TTBK1: variants seen among roughly 807,000 people sequenced by gnomAD.
TTBK1 encodes the protein tau tubulin kinase 1.
A neutral mutation model predicts 108.5 loss-of-function variants in TTBK1; 34 were observed. That is an observed-to-expected ratio of 0.31 (90% CI 0.24 to 0.42). TTBK1 has a LOEUF of 0.42. Among genes scored for constraint, TTBK1 ranks in the 10% least tolerant of loss-of-function variants. TTBK1 has a pLI of 1.00. For missense variants in TTBK1, 1,539 were observed against 1,826.0 expected (o/e 0.84, Z 2.86); for synonymous variants, 809 against 795.1 (o/e 1.02, Z -0.29).
At chr6:43,262,558 T>TTGAA (rs540275486) in intron 12 of TTBK1, among the ~76,000 whole-genome samples, 73 of 152,274 alleles carry the variant, frequency 4.8e-4, no homozygotes, top group Middle Eastern at 3.4e-3. Context: ...AAAACATTTG[T>TTGAA]TGAATGAATG....
chr6:43,260,609 C>G (rs933828996), intron 12 of TTBK1, among the ~76,000 whole-genome samples: 3 of 152,114 alleles, frequency 2.0e-5, no homozygotes, highest in African/African-American at 7.2e-5. Flanking sequence ...GAGTCCCTCT[C>G]CCTGGAGACG....
At position 43,282,791 on chromosome 6, in the gene TTBK1, C is replaced by G; in HGVS notation, c.2051C>G (p.Pro684Arg). ...CCACGAGCTGTGCCTCTGAGTCTGC[C>G]CTACCAGGACTTCAAAAGAGACCTC... ...GLPRAVPLSL[P>R]YQDFKRDLSD... The change falls in exon 14 of 15, where the codon CCC (proline) becomes CGC (arginine). Residue 684 changes from proline (P) to arginine (R), a missense_variant. Coordinates refer to ENST00000259750, the MANE Select transcript of TTBK1 (RefSeq NM_032538.3). This position sits in a 1 kb window ranked among gnomAD's most constrained non-coding sequence, Gnocchi z 5.4. 1 of 1,613,992 alleles carries G rather than the reference C, an allele frequency of 6.2e-7. No homozygotes were observed. The highest frequency in any genetic ancestry group is 8.5e-7 in the Non-Finnish European group (1 of 1,179,970).
In TTBK1 at chr6:43,252,772, A is replaced by G; in HGVS notation, c.142A>G (p.Ile48Val). The G allele has an allele frequency of 6.2e-7, 1 of 1,613,962 alleles. No homozygotes were observed. Among genetic ancestry groups the G allele is most frequent in the Non-Finnish European group, 8.5e-7 (1 of 1,179,994 alleles). ...GATCGGGGGCGGGGGCTTTGGTGAG[A>G]TCTACGAGGCCATGGACCTGCTGAC... ...KKIGGGGFGE[I>V]YEAMDLLTRE... is the part of the protein sequence containing the mutation. Residue 48 changes from isoleucine (I) to valine (V), a missense_variant, in exon 3 of 15, where the codon ATC becomes GTC. Physicochemically the swap from Ile to Val is conservative, Grantham distance 29. This residue lies in a region of TTBK1 where 155 missense variants were observed against 348.5 expected (regional missense o/e 0.44). Transcript: ENST00000259750.
chr6:43,285,318 A>G lies in TTBK1; in HGVS notation c.3908A>G (p.Gln1303Arg). The change falls in exon 15 of 15, where the codon CAG becomes CGG. Residue 1303 changes from glutamine (Q) to arginine (R), a missense_variant. Around this residue, in one of 5 missense-constraint regions of TTBK1, gnomAD observed 1,055 missense variants for 1,086.5 expected, o/e 0.97. Transcript: ENST00000259750. This position sits in a 1 kb window ranked among gnomAD's most constrained non-coding sequence, Gnocchi z 4.7. ...KKGPRGKLQA[Q>R]RATTKGRAGG... is the part of the protein sequence containing the mutation. ...GGACCCAGAGGGAAACTCCAGGCTC[A>G]GCGCGCAACAACCAAAGGCCGGGCA... The G allele has an allele frequency of 7.7e-7, 1 of 1,292,336 alleles. No homozygotes were observed. Among genetic ancestry groups the G allele is most frequent in the Middle Eastern group, 2.0e-4 (1 of 4,948 alleles). 80.1% of individuals were successfully genotyped at this position (1,292,336 alleles called of 1,614,324 possible). A position where few individuals can be genotyped will look rare whatever the true frequency, so the allele number is the denominator to read the frequency against.
At position 43,283,997 on chromosome 6, in the gene TTBK1, A is replaced by G. The variant is rs1778276855; in HGVS notation, c.3257A>G (p.Gln1086Arg). The change falls in exon 14 of 15, where the codon CAG (glutamine) becomes CGG (arginine). Residue 1086 changes from glutamine to arginine, a missense_variant. Gln to Arg is a conservative substitution (Grantham distance 43). Transcript: ENST00000259750. The surrounding 1 kb of genome is among the most constrained non-coding windows in gnomAD (Gnocchi z 8.1). ...CGGTGGAGCAAGCGGGCTCGGCCGCAGCAGGACCTGGCGCGGCTGGTGATG... is the reference window on the plus strand; with the variant it reads ...CGGTGGAGCAAGCGGGCTCGGCCGCGGCAGGACCTGGCGCGGCTGGTGATG... Reference protein sequence around the residue: ...KERWSKRARPQQDLARLVMEK... With the variant: ...KERWSKRARPRQDLARLVMEK... 1 of 1,602,088 alleles carries G rather than the reference A, an allele frequency of 6.2e-7. No individual in the cohort carries two copies.
In TTBK1 at chr6:43,250,634, C is replaced by T. The variant is rs527842993; in HGVS notation, c.109-2105C>T. Among the ~76,000 whole-genome samples the T allele has an allele frequency of 7.9e-5, 12 of 152,288 alleles. No individual in the cohort carries two copies. In the South Asian group the frequency reaches 2.5e-3, roughly 32 times the overall value. ...TCAGCCTCCCAAAGTGCTGAGATTACAGGCGGGAGCCACCGCGCCTGGACC... is the reference window on the plus strand; with the variant it reads ...TCAGCCTCCCAAAGTGCTGAGATTATAGGCGGGAGCCACCGCGCCTGGACC... On this transcript the variant is annotated intron_variant, in intron 2 of 14. Coordinates refer to ENST00000259750, the MANE Select transcript of TTBK1 (RefSeq NM_032538.3).
At chr6:43,252,714 A>AC in intron 2 of TTBK1, 25 bp from the exon 3 acceptor site, 1 of 1,612,460 alleles carries the variant, frequency 6.2e-7, no homozygotes, top group Non-Finnish European at 8.5e-7. Context: ...ATCCCTGAGC[A>AC]CCCCCTATCC....
rs2150708141 is a variant in TTBK1 at position 43,276,023 on chromosome 6, C to T, written c.1987-6704C>T. Among the ~76,000 whole-genome samples, 1 of 152,150 alleles carries T rather than the reference C, an allele frequency of 6.6e-6. No homozygotes were observed. Among genetic ancestry groups the T allele is most frequent in the South Asian group, 2.1e-4 (1 of 4,818 alleles). Reference sequence around the variant, plus strand: ...CACCGGGGCCCAGCTGAGCCCCTTCCTGCGTAAGGAGACGCCTTCTAATTG... The same window carrying T: ...CACCGGGGCCCAGCTGAGCCCCTTCTTGCGTAAGGAGACGCCTTCTAATTG... On this transcript the variant is annotated intron_variant, in intron 13 of 14. Coordinates refer to ENST00000259750, the MANE Select transcript of TTBK1 (RefSeq NM_032538.3). This position sits in a 1 kb window ranked among gnomAD's most constrained non-coding sequence, Gnocchi z 5.4.
intron 13 of TTBK1, among the ~76,000 whole-genome samples, chr6:43,281,404 G>C (rs1272338489): frequency 1.3e-5 from 2 of 151,044 alleles, no homozygotes; most frequent in African/African-American, 4.9e-5. Flanking sequence ...GATCTGAACT[G>C]TCTCCTAAGG....
chr6:43,254,624 C>T lies in TTBK1; in HGVS notation c.549C>T (p.Tyr183=), dbSNP rs7743427. ...TGGACTTCGGGCTGGCCCGGCAGTA[C>T]ACCAACACCACGGGGGATGTGCGGC... The part of the protein sequence containing the change: ...YMLDFGLARQ[Y]TNTTGDVRPP... The change falls in exon 6 of 15, where the codon TAC becomes TAT. Residue 183 remains tyrosine (Y), a synonymous_variant. Coordinates refer to ENST00000259750, the MANE Select transcript of TTBK1 (RefSeq NM_032538.3). 4,716 of 1,589,912 alleles carry T rather than the reference C, an allele frequency of 3.0e-3. 117 individuals are homozygous for T. In the African/African-American group the frequency reaches 0.054, roughly 18 times the overall value.
At chr6:43,280,941 G>A (rs963432838) in intron 13 of TTBK1, among the ~76,000 whole-genome samples, 1 of 152,206 alleles carries the variant, frequency 6.6e-6, no homozygotes, top group Non-Finnish European at 1.5e-5. Flanking sequence ...ATGCACTTAG[G>A]AACTTCTGGA....
At position 43,263,372 on chromosome 6, in the gene TTBK1, A is replaced by T. The variant is rs1406372038; in HGVS notation, c.1986+22A>T. ...ACAGGTAAGGTTGGGCTTGCACCCC[A>T]CTCCCCATCTCCAGATGCCCAGAGT... On this transcript the variant is annotated intron_variant, in intron 13 of 14. Coordinates refer to ENST00000259750, the MANE Select transcript of TTBK1 (RefSeq NM_032538.3). The surrounding 1 kb of genome is among the most constrained non-coding windows in gnomAD (Gnocchi z 4.7). 1 of 1,445,084 alleles carries T rather than the reference A, an allele frequency of 6.9e-7. No individual in the cohort carries two copies. Among genetic ancestry groups the T allele is most frequent in the Admixed American group, 2.9e-5 (1 of 34,996 alleles). 89.5% of individuals were successfully genotyped at this position (1,445,084 alleles called of 1,614,324 possible).
At chr6:43,254,151 C>G (rs1582480090) in intron 5 of TTBK1, among the ~76,000 whole-genome samples, 1 of 152,166 alleles carries the variant, frequency 6.6e-6, no homozygotes, top group African/African-American at 2.4e-5. Flanking sequence ...AACTGAGGCC[C>G]AGAAAGGTTA....
chr6:43,284,567 G>C (rs1778307931), intron 14 of TTBK1, among the ~76,000 whole-genome samples: 1 of 152,362 alleles, frequency 6.6e-6, no homozygotes, highest in South Asian at 2.1e-4. Context: ...AGGAAAAGCT[G>C]ATGGGGGCCA....
chr6:43,275,652 G>A (rs1362859318), intron 13 of TTBK1, among the ~76,000 whole-genome samples: 1 of 151,808 alleles, frequency 6.6e-6, no homozygotes, highest in Non-Finnish European at 1.5e-5. Flanking sequence ...AGAGTTGAGG[G>A]GGAGCAGAGC....
At chr6:43,274,325 C>T (rs1777908150) in intron 13 of TTBK1, among the ~76,000 whole-genome samples, 1 of 152,176 alleles carries the variant, frequency 6.6e-6, no homozygotes, top group Non-Finnish European at 1.5e-5. Context: ...CATGCTGGTC[C>T]CAGGACACCC....
chr6:43,268,927 C>G (rs1243474454), intron 13 of TTBK1, among the ~76,000 whole-genome samples: 1 of 152,206 alleles, frequency 6.6e-6, no homozygotes, highest in African/African-American at 2.4e-5. Context: ...GGGTGCTGTT[C>G]CAAGTACTGC....
At chr6:43,256,400 C>T (rs1276183977) in intron 9 of TTBK1, among the ~76,000 whole-genome samples, 1 of 151,532 alleles carries the variant, frequency 6.6e-6, no homozygotes, top group Non-Finnish European at 1.5e-5. Context: ...CCCAAGGTGC[C>T]GGGATTACAG....
In TTBK1 at chr6:43,282,630, G is replaced by C. The variant is rs918626060; in HGVS notation, c.1987-97G>C. The C allele has an allele frequency of 8.9e-6, 9 of 1,014,160 alleles. No homozygotes were observed. Among genetic ancestry groups the C allele is most frequent in the African/African-American group, 1.6e-5 (1 of 61,912 alleles). The allele number at this position is 1,014,160 out of a possible 1,614,324, so 62.8% of individuals were successfully genotyped here. A position where few individuals can be genotyped will look rare whatever the true frequency, so the allele number is the denominator to read the frequency against. On this transcript the variant is annotated intron_variant, in intron 13 of 14. Coordinates refer to ENST00000259750, the MANE Select transcript of TTBK1 (RefSeq NM_032538.3). The surrounding 1 kb of genome is among the most constrained non-coding windows in gnomAD (Gnocchi z 5.4). ...GAGCTCACACTCTGGTAGACGACCT[G>C]GGCCTGTGAGTCTCCTAGGTTGTGG...
Sources: allele counts gnomAD v4.1 joint callset (sites outside exome capture counted in the v4.1 genomes callset), GRCh38; gene constraint gnomAD v4.1.1; regional missense constraint gnomAD v4.1.1; non-coding constraint Gnocchi (gnomAD v3.1); transcripts MANE v1.5; gene names NCBI Gene and HGNC (gene_info 2026-07-23, HGNC 2026-07-21).